Variants in NTRK3 observed in about 807,000 individuals in gnomAD.
NTRK3 encodes the protein NT-3 growth factor receptor.
A neutral mutation model predicts 91.7 loss-of-function variants in NTRK3; 24 were observed. That is an observed-to-expected ratio of 0.26 (90% CI 0.19 to 0.37). The LOEUF is 0.37. Among genes scored for constraint, NTRK3 ranks in the 10% least tolerant of loss-of-function variants. The probability of loss-of-function intolerance (pLI) is 1.00; values close to 1 mark genes in which losing one functional copy is unlikely to be tolerated. For synonymous variants in NTRK3, 483 were observed against 404.0 expected, an observed-to-expected ratio of 1.20 and a Z score of -2.34; for missense variants, 880 against 1,068.9, an observed-to-expected ratio of 0.82 and a Z score of 2.46.
intron 14 of NTRK3, among the ~76,000 whole-genome samples, chr15:87,985,008 C>G (rs1344100472): frequency 6.6e-6 from 1 of 152,084 alleles, no homozygotes; most frequent in Non-Finnish European, 1.5e-5. Context: ...GCATTAAGAC[C>G]AGGAAATCCC....
intron 13 of NTRK3, among the ~76,000 whole-genome samples, chr15:88,089,608 T>C (rs971083762): frequency 6.6e-6 from 1 of 152,220 alleles, no homozygotes; most frequent in Non-Finnish European, 1.5e-5. Flanking sequence ...CTGAGTCCCA[T>C]TAGCCTTAGG....
chr15:87,978,810 C>T lies in NTRK3; in HGVS notation c.1586-38057G>A, dbSNP rs951684614. 33 of 235,784 alleles carry T rather than the reference C, an allele frequency of 1.4e-4. 1 individual carries two copies. Among genetic ancestry groups the T allele is most frequent in the African/African-American group, 7.3e-4 (33 of 45,464 alleles). The allele number at this position is 235,784 out of a possible 1,614,324, so 14.6% of individuals were successfully genotyped here. Reference sequence around the variant, plus strand: ...CAATACTTGAGCCTGGCTCCCCCTCCTCTTACCGCGCCGTCTCCACCTCTG... The same window carrying T: ...CAATACTTGAGCCTGGCTCCCCCTCTTCTTACCGCGCCGTCTCCACCTCTG... On this transcript the variant is annotated intron_variant, in intron 14 of 18. Transcript: ENST00000394480.
chr15:87,868,283 C>T (rs2064742039), exon 19 of NTRK3: 1 of 227,976 alleles, frequency 4.4e-6, no homozygotes, highest in Non-Finnish European at 8.7e-6. Flanking sequence ...CTGATAATTG[C>T]TTTTAAATAA....
At chr15:87,919,114 T>C (rs1183245197) in intron 17 of NTRK3, among the ~76,000 whole-genome samples, 2 of 99,854 alleles carry the variant, frequency 2.0e-5, no homozygotes, top group East Asian at 4.9e-4. Flanking sequence ...ATGAAAAGCC[T>C]CACACAGTGT....
chr15:88,174,713 C>A (rs112676624), intron 5 of NTRK3, among the ~76,000 whole-genome samples: 2,581 of 152,296 alleles, frequency 0.017, 62 homozygotes, highest in African/African-American at 0.059. Context: ...AGGCTGTCTG[C>A]CAACCCAAGC....
At chr15:87,878,432 T>C (rs1318573441) in intron 18 of NTRK3, among the ~76,000 whole-genome samples, 1 of 152,202 alleles carries the variant, frequency 6.6e-6, no homozygotes, top group African/African-American at 2.4e-5. Flanking sequence ...GAGTTTACGA[T>C]GGCCCCTTGG....
intron 13 of NTRK3, among the ~76,000 whole-genome samples, chr15:88,081,432 G>A (rs1028502000): frequency 6.6e-6 from 1 of 152,188 alleles, no homozygotes. Flanking sequence ...CCCACTGACC[G>A]ACCATGTTTC....
At chr15:88,113,059 C>G (rs1396934652) in intron 13 of NTRK3, among the ~76,000 whole-genome samples, 1 of 152,148 alleles carries the variant, frequency 6.6e-6, no homozygotes, top group African/African-American at 2.4e-5. Flanking sequence ...TGTGGCATTA[C>G]CGCTTTCTTC....
intron 18 of NTRK3, among the ~76,000 whole-genome samples, chr15:87,878,924 T>C (rs2065087770): frequency 6.7e-6 from 1 of 149,552 alleles, no homozygotes. Context: ...TGTGTGTGTG[T>C]GTGTGTGTGT....
intron 13 of NTRK3, among the ~76,000 whole-genome samples, chr15:88,124,304 T>C (rs2053051659): frequency 6.6e-6 from 1 of 152,196 alleles, no homozygotes; most frequent in South Asian, 2.1e-4. Flanking sequence ...AAGGAAGGTC[T>C]GCCTGGGAGA....
intron 17 of NTRK3, among the ~76,000 whole-genome samples, chr15:87,916,817 G>A (rs886574965): frequency 3.3e-5 from 5 of 151,654 alleles, no homozygotes; most frequent in South Asian, 2.1e-4. Context: ...GGTGGAGTGC[G>A]GTGGTGTGAT....
intron 14 of NTRK3, among the ~76,000 whole-genome samples, chr15:87,971,864 G>A (rs1021834857): frequency 3.3e-5 from 5 of 152,188 alleles, no homozygotes; most frequent in Admixed American, 2.0e-4. Context: ...CGTTTTTGAA[G>A]GTCAGGATTT....
intron 13 of NTRK3, among the ~76,000 whole-genome samples, chr15:88,060,203 A>C (rs1051288878): frequency 1.3e-5 from 2 of 152,012 alleles, no homozygotes; most frequent in Non-Finnish European, 1.5e-5. Context: ...CAACATGGTG[A>C]AACTCCATCT....
exon 19 of NTRK3, chr15:87,863,903 T>G (rs2064590071): frequency 4.3e-6 from 1 of 232,050 alleles, no homozygotes; most frequent in Non-Finnish European, 8.5e-6. Context: ...GGGCATCTAT[T>G]ATGCTAAAGA....
chr15:88,033,196 AT>A lies in NTRK3; in HGVS notation c.1397-152del, dbSNP rs2078737355. ...GTGTGTTATATATATATATATATAT[AT>A]ATATATATATATATATATAAATTCA... On this transcript the variant is annotated intron_variant, in intron 13 of 18. Coordinates refer to ENST00000394480, the Ensembl canonical transcript of NTRK3. 3 of 153,778 alleles carry A rather than the reference AT, an allele frequency of 2.0e-5. 1 individual carries two copies. Among genetic ancestry groups the A allele is most frequent in the Non-Finnish European group, 3.8e-5 (3 of 79,170 alleles). 9.5% of individuals were successfully genotyped at this position (153,778 alleles called of 1,614,324 possible). A position where few individuals can be genotyped will look rare whatever the true frequency, so the allele number is the denominator to read the frequency against.
chr15:87,959,021 T>A (rs1375449595), intron 14 of NTRK3, among the ~76,000 whole-genome samples: 2 of 60,768 alleles, frequency 3.3e-5, no homozygotes, highest in Non-Finnish European at 6.2e-5. Flanking sequence ...CCCTCTCCAC[T>A]CTACCCAATG....
At chr15:88,099,548 C>A (rs1465653961) in intron 13 of NTRK3, among the ~76,000 whole-genome samples, 1 of 152,084 alleles carries the variant, frequency 6.6e-6, no homozygotes, top group African/African-American at 2.4e-5. Flanking sequence ...ATTCATGAAA[C>A]AAAGAGGCTA....
At chr15:87,914,927 G>T (rs1250168677) in intron 17 of NTRK3, among the ~76,000 whole-genome samples, 1 of 152,152 alleles carries the variant, frequency 6.6e-6, no homozygotes, top group African/African-American at 2.4e-5. Flanking sequence ...ATTTTTCCAG[G>T]GTGTACATGG....
exon 19 of NTRK3, chr15:87,875,223 G>GGTCA: frequency 4.3e-6 from 1 of 230,822 alleles, no homozygotes. Flanking sequence ...GTGTGGCAAA[G>GGTCA]GTCAGTCCCT....
Sources: gnomAD v4.1 joint callset for allele counts (sites outside exome capture counted in the v4.1 genomes callset) on GRCh38, gnomAD v4.1.1 for gene constraint, MANE v1.5 for transcripts, NCBI Gene and HGNC (gene_info 2026-07-23, HGNC 2026-07-21) for gene names.